Variants in ADAMTS19 observed in about 807,000 individuals in gnomAD.
ADAMTS19 encodes the protein ADAM metallopeptidase with thrombospondin type 1 motif 19, also known as A disintegrin and metalloproteinase with thrombospondin motifs 19.
ADAMTS19 carries 93 observed loss-of-function variants against 153.3 expected under a neutral mutation model. The observed-to-expected ratio is 0.61, with a 90% confidence interval of 0.51 to 0.72. ADAMTS19 has a LOEUF of 0.72. ADAMTS19 is among the 30% of genes least tolerant of loss of function. The pLI is 0.00. For synonymous variants in ADAMTS19, 600 were observed against 556.6 expected (o/e 1.08, Z -1.10); for missense variants, 1,482 against 1,552.1 (o/e 0.95, Z 0.76).
intron 2 of ADAMTS19, among the ~76,000 whole-genome samples, chr5:129,505,804 AAAC>A (rs1751251512): frequency 6.6e-6 from 1 of 151,836 alleles, no homozygotes; most frequent in Non-Finnish European, 1.5e-5. Flanking sequence ...ATAAATTAGA[AAAC>A]AACTGTTAAA....
At chr5:129,622,132 T>C in intron 9 of ADAMTS19, 66 bp from the exon 10 acceptor site, 1 of 1,538,496 alleles carries the variant, frequency 6.5e-7, no homozygotes, top group Non-Finnish European at 9.0e-7. Context: ...TCTTGTTGTA[T>C]GCTAACCAAT....
At chr5:129,622,515 C>T (rs147149859) in intron 10 of ADAMTS19, among the ~76,000 whole-genome samples, 167 bp downstream of exon 10, 3 of 152,006 alleles carry the variant, frequency 2.0e-5, no homozygotes, top group Admixed American at 1.3e-4. Flanking sequence ...ACTTTGGAAG[C>T]GATAGAAATA....
At chr5:129,711,484 G>A (rs770606944) in intron 21 of ADAMTS19, among the ~76,000 whole-genome samples, 1 of 152,100 alleles carries the variant, frequency 6.6e-6, no homozygotes, top group Non-Finnish European at 1.5e-5. Context: ...GACCAGCCTA[G>A]CCAACTTGAT....
At chr5:129,483,826 A>G (rs916377981) in intron 2 of ADAMTS19, among the ~76,000 whole-genome samples, 7 of 152,158 alleles carry the variant, frequency 4.6e-5, no homozygotes, top group African/African-American at 1.7e-4. Context: ...CATAATATAC[A>G]ACTAATTACA....
intron 8 of ADAMTS19, among the ~76,000 whole-genome samples, chr5:129,602,188 GT>G (rs1294988614): frequency 6.6e-6 from 1 of 152,292 alleles, no homozygotes; most frequent in African/African-American, 2.4e-5. Context: ...TGCCTCCTGG[GT>G]TCAAGTGATT....
In ADAMTS19 at chr5:129,461,413, G is replaced by A. The variant is rs1749651114; in HGVS notation, c.403G>A (p.Ala135Thr). The A allele has an allele frequency of 5.8e-6, 8 of 1,374,878 alleles. No individual in the cohort carries two copies. The highest frequency in any genetic ancestry group is 7.4e-6 in the Non-Finnish European group (8 of 1,076,988). 85.2% of individuals were successfully genotyped at this position (1,374,878 alleles called of 1,614,324 possible). The change falls in exon 2 of 23, where the codon GCT (alanine) becomes ACT (threonine). Residue 135 changes from alanine to threonine, a missense_variant. Ala to Thr is a moderately conservative substitution (Grantham distance 58, BLOSUM62 0). Around this residue, in one of 2 missense-constraint regions of ADAMTS19, gnomAD observed 866 missense variants for 827.7 expected, o/e 1.05. Coordinates refer to ENST00000274487, the MANE Select transcript of ADAMTS19 (RefSeq NM_133638.6). This position sits in a 1 kb window ranked among gnomAD's most constrained non-coding sequence, Gnocchi z 4.6. Reference sequence around the variant, plus strand: ...GGAGCTGCCGCGGGGATCCAGCGGGGCTGCCGCCTTGTCCCCGGGCGCCCC... The same window carrying A: ...GGAGCTGCCGCGGGGATCCAGCGGGACTGCCGCCTTGTCCCCGGGCGCCCC... The part of the protein sequence containing the change: ...SQELPRGSSG[A>T]AALSPGAPAS...
intron 10 of ADAMTS19, among the ~76,000 whole-genome samples, chr5:129,638,316 A>G (rs1188061905): frequency 6.6e-6 from 1 of 151,972 alleles, no homozygotes; most frequent in East Asian, 1.9e-4. Flanking sequence ...ACTTTAGTAA[A>G]TTTTTAGTTT....
At chr5:129,561,412 C>G (rs1000626736) in intron 7 of ADAMTS19, among the ~76,000 whole-genome samples, 8 of 151,980 alleles carry the variant, frequency 5.3e-5, no homozygotes, top group Admixed American at 2.0e-4. Flanking sequence ...GCCTGTAGTC[C>G]CAGCTACTCG....
At chr5:129,708,505 T>A (rs1756271408) in intron 21 of ADAMTS19, among the ~76,000 whole-genome samples, 1 of 151,748 alleles carries the variant, frequency 6.6e-6, no homozygotes, top group Admixed American at 6.6e-5. Context: ...AATGACATTT[T>A]TTTTTTTGGT....
At chr5:129,702,941 A>AAAAAAAAATATAT in intron 20 of ADAMTS19, among the ~76,000 whole-genome samples, 9 of 29,314 alleles carry the variant, frequency 3.1e-4, no homozygotes, top group African/African-American at 7.7e-4. Context: ...AAAAAAAAAA[A>AAAAAAAAATATAT]ATATATATAT....
At chr5:129,734,545 A>G (rs1366647271) in intron 21 of ADAMTS19, among the ~76,000 whole-genome samples, 1 of 152,144 alleles carries the variant, frequency 6.6e-6, no homozygotes. Context: ...ACTTCTGAAC[A>G]TCGATGATTA....
At chr5:129,558,925 GA>G (rs1561570737) in intron 7 of ADAMTS19, among the ~76,000 whole-genome samples, 8 of 151,538 alleles carry the variant, frequency 5.3e-5, no homozygotes, top group African/African-American at 1.9e-4. Flanking sequence ...TTTTGATGTA[GA>G]GACAGACAGA....
At chr5:129,658,374 A>AGT (rs1753680948) in intron 14 of ADAMTS19, among the ~76,000 whole-genome samples, 1 of 151,324 alleles carries the variant, frequency 6.6e-6, no homozygotes, top group African/African-American at 2.4e-5. Context: ...AGAAAGAGAG[A>AGT]GAGGAAGGAA....
chr5:129,682,000 C>T (rs1754838730), intron 17 of ADAMTS19, among the ~76,000 whole-genome samples: 1 of 152,086 alleles, frequency 6.6e-6, no homozygotes, highest in Non-Finnish European at 1.5e-5. Flanking sequence ...AATGTAACCT[C>T]CCCTGTTTTT....
intron 2 of ADAMTS19, among the ~76,000 whole-genome samples, chr5:129,472,290 G>T (rs537329900): frequency 6.6e-6 from 1 of 152,280 alleles, no homozygotes; most frequent in South Asian, 2.1e-4. Context: ...TAAAATTTGA[G>T]GGCAGCCACT....
chr5:129,509,090 A>T lies in ADAMTS19; in HGVS notation c.761A>T (p.Gln254Leu). 6.2e-7 allele frequency: 1 copy of T among 1,607,108 alleles called. No homozygotes were observed. Among genetic ancestry groups the T allele is most frequent in the East Asian group, 2.2e-5 (1 of 44,704 alleles). The change falls in exon 3 of 23, where the codon CAG becomes CTG. Residue 254 changes from glutamine (Q) to leucine (L), a missense_variant. Gln to Leu is a moderately radical substitution (Grantham distance 113). Transcript: ENST00000274487. ...TCGGGLMGFI[Q>L]LNEDFIFIEP... is the part of the protein sequence containing the mutation. ...TATATATTCCAGATGGGATTTATAC[A>T]GCTCAATGAGGACTTCATATTTATT...
At chr5:129,473,811 C>T (rs535188268) in intron 2 of ADAMTS19, among the ~76,000 whole-genome samples, 2 of 152,084 alleles carry the variant, frequency 1.3e-5, no homozygotes, top group Admixed American at 6.6e-5. Flanking sequence ...TAGTAAGATA[C>T]GTTCATGGAT....
At chr5:129,492,527 G>A (rs934344245) in intron 2 of ADAMTS19, among the ~76,000 whole-genome samples, 1 of 151,770 alleles carries the variant, frequency 6.6e-6, no homozygotes, top group African/African-American at 2.4e-5. Context: ...GTGTGTGTGT[G>A]TGTGTATGTG....
In ADAMTS19 at chr5:129,702,944, AT is replaced by A. The variant is rs56679207; in HGVS notation, c.3160-1294del. ...TTTGACTTGCCAAAAAAAAAAAAATATATATATATATATATATATATATATA... is the reference window on the plus strand; with the variant it reads ...TTTGACTTGCCAAAAAAAAAAAAATAATATATATATATATATATATATATA... On this transcript the variant is annotated intron_variant, in intron 20 of 22. Transcript: ENST00000274487. Among the ~76,000 whole-genome samples the A allele has an allele frequency of 3.4e-3, 74 of 21,876 alleles. 1 individual carries two copies. The highest frequency in any genetic ancestry group is 4.9e-3 in the African/African-American group (54 of 10,978). 14.4% of individuals were successfully genotyped at this position (21,876 alleles called of 152,430 possible). A position where few individuals can be genotyped will look rare whatever the true frequency, so the allele number is the denominator to read the frequency against.
Sources: allele counts gnomAD v4.1 joint callset (sites outside exome capture counted in the v4.1 genomes callset), GRCh38; gene constraint gnomAD v4.1.1; regional missense constraint gnomAD v4.1.1; non-coding constraint Gnocchi (gnomAD v3.1); transcripts MANE v1.5; gene names NCBI Gene and HGNC (gene_info 2026-07-23, HGNC 2026-07-21).